Variants in CR1 observed in about 807,000 individuals in gnomAD.
CR1 encodes complement receptor type 1.
In CR1, 116 loss-of-function variants were observed where a neutral mutation model predicts 187.3. That is an observed-to-expected ratio of 0.62 (90% CI 0.53 to 0.72). The LOEUF is 0.72. Among genes scored for constraint, CR1 ranks in the 30% least tolerant of loss-of-function variants. The pLI is 0.00. For synonymous variants in CR1, 576 were observed against 747.1 expected (o/e 0.77, Z 3.73); for missense variants, 1,731 against 2,110.7 (o/e 0.82, Z 3.52).
At chr1:207,633,729 C>T (rs1041135758) in intron 46 of CR1, among the ~76,000 whole-genome samples, 2 of 152,134 alleles carry the variant, frequency 1.3e-5, no homozygotes, top group African/African-American at 2.4e-5. Context: ...CAACTGAGCA[C>T]GTTAATCAAT....
At chr1:207,552,687 G>C in intron 18 of CR1, 65 bp from the exon 19 acceptor site, 1 of 1,206,154 alleles carries the variant, frequency 8.3e-7, no homozygotes, top group Non-Finnish European at 1.2e-6. Flanking sequence ...TGCAGGTTGA[G>C]ACCTTACGTA....
intron 31 of CR1, among the ~76,000 whole-genome samples, chr1:207,581,213 CAT>C (rs1436273022): frequency 2.8e-4 from 39 of 139,920 alleles, no homozygotes; most frequent in African/African-American, 1.0e-3. Flanking sequence ...TAGACGTATA[CAT>C]ATGGACACGT....
At chr1:207,589,861 G>A (rs1040103454) in intron 35 of CR1, among the ~76,000 whole-genome samples, 2 of 152,252 alleles carry the variant, frequency 1.3e-5, no homozygotes, top group South Asian at 4.1e-4. Flanking sequence ...TGAAACAAAG[G>A]ATATCAGAGA....
intron 4 of CR1, among the ~76,000 whole-genome samples, chr1:207,516,647 T>C (rs1659817305): frequency 6.6e-6 from 1 of 152,204 alleles, no homozygotes; most frequent in South Asian, 2.1e-4. Context: ...TCCTCCCATT[T>C]TGAAGTCTTC....
At chr1:207,579,846 T>C (rs1206541733) in intron 29 of CR1, among the ~76,000 whole-genome samples, 2 of 152,166 alleles carry the variant, frequency 1.3e-5, no homozygotes, top group African/African-American at 4.8e-5. Flanking sequence ...CAAGAACCCT[T>C]CCAGAGTAAG....
chr1:207,582,188 G>T (rs943925678), intron 32 of CR1, among the ~76,000 whole-genome samples, 185 bp downstream of exon 32: 6 of 152,144 alleles, frequency 3.9e-5, no homozygotes, highest in African/African-American at 9.7e-5. Flanking sequence ...TGTGTTTTGG[G>T]TACCATCCTA....
chr1:207,621,256 C>A (rs1662307805), intron 43 of CR1, among the ~76,000 whole-genome samples: 1 of 151,768 alleles, frequency 6.6e-6, no homozygotes, highest in Non-Finnish European at 1.5e-5. Flanking sequence ...GTCTCGGTGA[C>A]AAGAGCAAAA....
intron 42 of CR1, among the ~76,000 whole-genome samples, chr1:207,619,169 G>C (rs183092352): frequency 1.3e-5 from 2 of 150,328 alleles, no homozygotes; most frequent in African/African-American, 4.9e-5. Flanking sequence ...GATCACCTCA[G>C]GTCAGGAGTT....
At chr1:207,632,752 C>A (rs1280055876) in intron 46 of CR1, among the ~76,000 whole-genome samples, 3 of 138,036 alleles carry the variant, frequency 2.2e-5, no homozygotes, top group Admixed American at 7.8e-5. Context: ...GAGCCGAGAT[C>A]GCGCCACTGT....
intron 33 of CR1, among the ~76,000 whole-genome samples, chr1:207,585,133 A>G (rs1571560873): frequency 6.6e-6 from 1 of 152,152 alleles, no homozygotes; most frequent in Admixed American, 6.5e-5. Flanking sequence ...GGTGGAGGGA[A>G]GGCAGTAAGG....
chr1:207,608,186 G>A (rs1661807348), intron 36 of CR1, among the ~76,000 whole-genome samples: 2 of 152,168 alleles, frequency 1.3e-5, no homozygotes, highest in South Asian at 4.1e-4. Context: ...AAAATAGCTA[G>A]TAGAAGAAAT....
At chr1:207,566,143 C>T (rs761214269) in intron 24 of CR1, among the ~76,000 whole-genome samples, 22 of 150,266 alleles carry the variant, frequency 1.5e-4, no homozygotes, top group Non-Finnish European at 3.1e-4. Context: ...TGTTCTAGTG[C>T]GATAAATCCT....
intron 37 of CR1, among the ~76,000 whole-genome samples, chr1:207,611,186 G>A (rs139239992): frequency 7.2e-5 from 11 of 152,260 alleles, no homozygotes; most frequent in Middle Eastern, 3.4e-3. Flanking sequence ...TGGTCACAGG[G>A]ACAGAAAGGA....
chr1:207,573,367 A>G (rs1356003608), intron 27 of CR1, among the ~76,000 whole-genome samples: 1 of 152,148 alleles, frequency 6.6e-6, no homozygotes, highest in Non-Finnish European at 1.5e-5. Context: ...ATTAGAATAA[A>G]TCCGATGTCT....
intron 4 of CR1, among the ~76,000 whole-genome samples, chr1:207,514,542 T>C (rs1430751727): frequency 6.6e-6 from 1 of 152,114 alleles, no homozygotes; most frequent in Non-Finnish European, 1.5e-5. Context: ...AGATGCTGAA[T>C]CTGCCAGTGT....
At position 207,496,404 on chromosome 1, in the gene CR1, G is replaced by A. The variant is rs1414496529; in HGVS notation, c.121+16G>A. The A allele has an allele frequency of 1.3e-6, 2 of 1,595,896 alleles. No individual in the cohort carries two copies. Among genetic ancestry groups the A allele is most frequent in the Non-Finnish European group, 1.7e-6 (2 of 1,172,244 alleles). On this transcript the variant is annotated intron_variant, in intron 1 of 46. Transcript: ENST00000367049. ...GTGGCCTGGGGTGAGAGGCGGGCGG[G>A]CGTGGGGAGGCGCCCGGGCGGACGA...
At chr1:207,593,208 T>C (rs1262284243) in intron 35 of CR1, among the ~76,000 whole-genome samples, 1 of 151,456 alleles carries the variant, frequency 6.6e-6, no homozygotes, top group Non-Finnish European at 1.5e-5. Context: ...CTTCAAACTA[T>C]ACTATAAGGC....
intron 5 of CR1, among the ~76,000 whole-genome samples, chr1:207,524,595 C>T (rs1381799589): frequency 2.0e-5 from 3 of 151,858 alleles, no homozygotes; most frequent in African/African-American, 7.3e-5. Context: ...ACCATGTTGC[C>T]CAGGCTGGTC....
intron 4 of CR1, among the ~76,000 whole-genome samples, chr1:207,513,032 C>T (rs1372534164): frequency 6.6e-6 from 1 of 152,174 alleles, no homozygotes; most frequent in African/African-American, 2.4e-5. Flanking sequence ...ATAAACTATT[C>T]AAGTCTAGGA....
Sources: gnomAD v4.1 joint callset for allele counts (sites outside exome capture counted in the v4.1 genomes callset) on GRCh38, gnomAD v4.1.1 for gene constraint, MANE v1.5 for transcripts, NCBI Gene and HGNC (gene_info 2026-07-23, HGNC 2026-07-21) for gene names.